The following IL12B variants were observed in gnomAD, a reference collection of about 807,000 sequenced individuals.
The protein encoded by IL12B is interleukin 12B, also known as interleukin-12 subunit beta.
In IL12B, 27 loss-of-function variants were observed where a neutral mutation model predicts 39.2. That is an observed-to-expected ratio of 0.69 (90% CI 0.51 to 0.95). IL12B has a LOEUF of 0.95. Among genes scored for constraint, IL12B ranks in the 40% least tolerant of loss-of-function variants. IL12B has a pLI of 0.00. For missense variants in IL12B, 351 were observed against 397.6 expected, an observed-to-expected ratio of 0.88 and a Z score of 1.00; for synonymous variants, 142 against 152.1, an observed-to-expected ratio of 0.93 and a Z score of 0.49.
At chr5:159,319,261 T>G (rs56144366) in intron 5 of IL12B, among the ~76,000 whole-genome samples, 31 of 152,214 alleles carry the variant, frequency 2.0e-4, no homozygotes, top group Non-Finnish European at 3.5e-4. Flanking sequence ...CACTTTGCAC[T>G]GAACATGGAA....
intron 3 of IL12B, 45 bp downstream of exon 3, chr5:159,323,009 A>G (rs1562113409): frequency 1.3e-6 from 2 of 1,587,942 alleles, no homozygotes; most frequent in Non-Finnish European, 1.7e-6. Flanking sequence ...TTTAACTCTT[A>G]TGAGCGAAAG....
chr5:159,316,100 C>T lies in IL12B; in HGVS notation c.*1G>A, dbSNP rs3213120. ...TCCAAATTTTCATCCTGGATCAGAACCTGGAAGAGAATGCCAAAAGTTGAT... is the reference window on the plus strand; with the variant it reads ...TCCAAATTTTCATCCTGGATCAGAATCTGGAAGAGAATGCCAAAAGTTGAT... On this transcript the variant is annotated splice_region_variant and 3_prime_UTR_variant, in exon 8 of 8. Transcript: ENST00000231228. The T allele has an allele frequency of 0.021, 3,244 of 153,866 alleles. 40 individuals carry two copies. Among genetic ancestry groups the T allele is most frequent in the Middle Eastern group, 0.03 (9 of 296 alleles). 9.5% of individuals were successfully genotyped at this position (153,866 alleles called of 1,614,324 possible).
At chr5:159,327,023 G>A (rs1189754330) in intron 1 of IL12B, among the ~76,000 whole-genome samples, 1 of 152,072 alleles carries the variant, frequency 6.6e-6, no homozygotes, top group East Asian at 1.9e-4. Flanking sequence ...TCTAAATAGA[G>A]AACCATAGGG....
intron 6 of IL12B, 95 bp downstream of exon 6, chr5:159,318,641 G>T: frequency 2.7e-6 from 3 of 1,111,410 alleles, no homozygotes; most frequent in Non-Finnish European, 2.8e-6. Flanking sequence ...GTGATACATG[G>T]ATGTCATTGT....
intron 7 of IL12B, 71 bp downstream of exon 7, chr5:159,316,614 C>A: frequency 6.5e-7 from 1 of 1,530,056 alleles, no homozygotes; most frequent in South Asian, 1.2e-5. Context: ...CCAACACAGC[C>A]CCCAATCATA....
intron 6 of IL12B, among the ~76,000 whole-genome samples, chr5:159,317,053 T>C (rs1754001767): frequency 6.6e-6 from 1 of 152,302 alleles, no homozygotes; most frequent in Non-Finnish European, 1.5e-5. Context: ...TGGCCCAGCT[T>C]TCATCTTTCT....
In IL12B at chr5:159,323,220, A is replaced by C; in HGVS notation, c.198T>G (p.Ser66Arg). 6.2e-7 allele frequency: 1 copy of C among 1,614,094 alleles called. No homozygotes were observed. The highest frequency in any genetic ancestry group is 8.5e-7 in the Non-Finnish European group (1 of 1,179,998). Residue 66 changes from serine (S) to arginine (R), a missense_variant, in exon 3 of 8, where the codon AGT becomes AGG. By Grantham distance (110) the Ser-to-Arg change is moderately radical. Coordinates refer to ENST00000231228, the MANE Select transcript of IL12B (RefSeq NM_002187.3). ...GGGTTTTGCCAGAGCCTAAGACCTC[A>C]CTGCTCTGGTCCAAGGTCCAGGTGA... ...DGITWTLDQS[S>R]EVLGSGKTLT... is the part of the protein sequence containing the mutation.
At position 159,323,096 on chromosome 5, in the gene IL12B, C is replaced by G. The variant is rs775325033; in HGVS notation, c.322G>C (p.Glu108Gln). The change falls in exon 3 of 8, where the codon GAA (glutamate) becomes CAA (glutamine). Residue 108 changes from glutamate (E) to glutamine (Q), a missense_variant. Transcript: ENST00000231228. Reference protein sequence around the residue: ...SHSLLLLHKKEDGIWSTDILK... With the variant: ...SHSLLLLHKKQDGIWSTDILK... ...ATATCAGTGGACCAAATTCCATCTTCCTTTTTGTGAAGCAGCAGGAGCGAA... is the reference window on the plus strand; with the variant it reads ...ATATCAGTGGACCAAATTCCATCTTGCTTTTTGTGAAGCAGCAGGAGCGAA... 1.7e-5 allele frequency: 28 copies of G among 1,614,178 alleles called. No homozygotes were observed. Among genetic ancestry groups the G allele is most frequent in the Non-Finnish European group, 2.4e-5 (28 of 1,180,024 alleles).
rs145139712 is a variant in IL12B, at chr5:159,324,503, C to T, written c.89-1174G>A. Among the ~76,000 whole-genome samples, 48 of 152,258 alleles carry T rather than the reference C, an allele frequency of 3.2e-4. No individual in the cohort carries two copies. In the East Asian group the frequency reaches 4.6e-3, roughly 15 times the overall value. ...AATTCTCAGCTGCTGAATCAGAAAC[C>T]TTGGGATGGATTTAGTTATATGGTT... On this transcript the variant is annotated intron_variant, in intron 2 of 7. Coordinates refer to ENST00000231228, the MANE Select transcript of IL12B (RefSeq NM_002187.3).
At chr5:159,326,566 A>G (rs1035999092) in intron 2 of IL12B, 129 bp downstream of exon 2, 3 of 691,182 alleles carry the variant, frequency 4.3e-6, no homozygotes, top group Admixed American at 4.9e-5. Flanking sequence ...GCATTTTCCC[A>G]GAGTGATGGC....
chr5:159,328,942 A>G (rs2113039016), intron 1 of IL12B, among the ~76,000 whole-genome samples: 1 of 152,320 alleles, frequency 6.6e-6, no homozygotes, highest in Non-Finnish European at 1.5e-5. Flanking sequence ...ATCAGCTGAT[A>G]CTAGGGAGCG....
chr5:159,316,902 C>T (rs1754000152), intron 6 of IL12B, 86 bp from the exon 7 acceptor site: 4 of 1,467,818 alleles, frequency 2.7e-6, no homozygotes, highest in Non-Finnish European at 3.8e-6. Context: ...GCATACTCTC[C>T]CAAAACAAGC....
intron 7 of IL12B, 66 bp from the exon 8 acceptor site, chr5:159,316,166 C>G (rs1465331898): frequency 6.3e-6 from 1 of 157,914 alleles, no homozygotes; most frequent in East Asian, 1.8e-4. Flanking sequence ...TCTTATTTCT[C>G]ACAACATATG....
chr5:159,329,418 A>G, intron 1 of IL12B, among the ~76,000 whole-genome samples: 1 of 152,152 alleles, frequency 6.6e-6, no homozygotes. Context: ...GTGAAGTGTC[A>G]TGGTGCCTAG....
Position 159,326,277 on chromosome 5 carries a change from C to A in IL12B, c.88+418G>T, listed in dbSNP as rs370093827. Among the ~76,000 whole-genome samples the A allele has an allele frequency of 2.0e-5, 3 of 152,262 alleles. No homozygotes were observed. In the East Asian group the frequency reaches 5.8e-4, roughly 29 times the overall value. On this transcript the variant is annotated intron_variant, in intron 2 of 7. Coordinates refer to ENST00000231228, the MANE Select transcript of IL12B (RefSeq NM_002187.3). ...TGAATCCTATGCTTCCTCCAAAGTG[C>A]TTGGTCAGAGGTAAGTCATCACAGT...
intron 2 of IL12B, among the ~76,000 whole-genome samples, chr5:159,325,282 G>A (rs138001906): frequency 3.3e-5 from 5 of 152,308 alleles, no homozygotes; most frequent in Middle Eastern, 3.4e-3. Context: ...CCCAGGGTTG[G>A]AAGGGATCTG....
chr5:159,325,262 C>T (rs3181217), intron 2 of IL12B, among the ~76,000 whole-genome samples: 40,359 of 152,038 alleles, frequency 0.27, 5,931 homozygotes, highest in East Asian at 0.48. Flanking sequence ...TTCCTGAGCT[C>T]GCTAACAATC....
Position 159,316,772 on chromosome 5 carries a change from G to T in IL12B, c.900C>A (p.Cys300Ter), listed in dbSNP as rs1290071275. The T allele has an allele frequency of 1.9e-6, 3 of 1,614,002 alleles. No individual in the cohort carries two copies. The highest frequency in any genetic ancestry group is 2.7e-5 in the African/African-American group (2 of 74,934). ...GCACGCTAATGCTGGCATTTTTGCG[G>T]CAGATGACCGTGGCTGAGGTCTTGT... Reference protein sequence around the residue: ...FTDKTSATVICRKNASISVRA... With the variant: ...FTDKTSATVI Residue 300 changes from cysteine (C) to a stop codon, truncating the protein, a stop_gained, in exon 7 of 8, where the codon TGC becomes TGA. Coordinates refer to ENST00000231228, the MANE Select transcript of IL12B (RefSeq NM_002187.3). LOFTEE classifies it high-confidence loss of function.
rs1009416492 is a variant in IL12B, at chr5:159,316,079, A to G, written c.*22T>C. 2 of 153,670 alleles carry G rather than the reference A, an allele frequency of 1.3e-5. No homozygotes were observed. The highest frequency in any genetic ancestry group is 6.5e-5 in the Admixed American group (1 of 15,494). 9.5% of individuals were successfully genotyped at this position (153,670 alleles called of 1,614,324 possible). On this transcript the variant is annotated 3_prime_UTR_variant, in exon 8 of 8. Transcript: ENST00000231228. ...CTTAATATCTTCCACTTTTCCTCCAAATTTTCATCCTGGATCAGAACCTGG... is the reference window on the plus strand; with the variant it reads ...CTTAATATCTTCCACTTTTCCTCCAGATTTTCATCCTGGATCAGAACCTGG...
Sources: allele counts gnomAD v4.1 joint callset (sites outside exome capture counted in the v4.1 genomes callset), GRCh38; gene constraint gnomAD v4.1.1; transcripts MANE v1.5; gene names NCBI Gene and HGNC (gene_info 2026-07-23, HGNC 2026-07-21).